Variants in SLC2A13 observed in about 807,000 individuals in gnomAD.
SLC2A13 encodes the protein proton myo-inositol cotransporter.
In SLC2A13, 32 loss-of-function variants were observed where a neutral mutation model predicts 64.4. The ratio of observed to expected loss-of-function variants is 0.50; its 90% confidence interval spans 0.37 to 0.67. SLC2A13 has a LOEUF of 0.67. SLC2A13 is among the 30% of genes least tolerant of loss of function. SLC2A13 has a pLI of 0.00. For synonymous variants in SLC2A13, 338 were observed against 327.1 expected (o/e 1.03, Z -0.36); for missense variants, 743 against 829.2 (o/e 0.90, Z 1.28).
intron 6 of SLC2A13, among the ~76,000 whole-genome samples, chr12:39,838,215 A>G (rs1287658574): frequency 6.6e-6 from 1 of 151,416 alleles, no homozygotes; most frequent in African/African-American, 2.4e-5. Context: ...ATTGGAAATC[A>G]TCATTCTCAG....
At chr12:39,893,134 G>C (rs1944652862) in intron 4 of SLC2A13, among the ~76,000 whole-genome samples, 1 of 152,066 alleles carries the variant, frequency 6.6e-6, no homozygotes, top group Admixed American at 6.6e-5. Flanking sequence ...AACCCAATGA[G>C]AGTTATCAAA....
chr12:39,913,252 C>A (rs1945460247), intron 4 of SLC2A13, among the ~76,000 whole-genome samples: 1 of 151,736 alleles, frequency 6.6e-6, no homozygotes, highest in South Asian at 2.1e-4. Context: ...AACTTTTACA[C>A]ATTGGAAGAA....
intron 3 of SLC2A13, among the ~76,000 whole-genome samples, chr12:40,021,826 G>A (rs1400524104): frequency 6.6e-6 from 1 of 152,142 alleles, no homozygotes; most frequent in Non-Finnish European, 1.5e-5. Context: ...CAATTGCAAC[G>A]AGTATTTGAC....
intron 3 of SLC2A13, among the ~76,000 whole-genome samples, chr12:40,010,673 T>G (rs1199706172): frequency 6.6e-6 from 1 of 152,242 alleles, no homozygotes; most frequent in Non-Finnish European, 1.5e-5. Context: ...TTATTGAATC[T>G]TTCCAAAACA....
chr12:40,084,154 G>GT (rs1381787036), intron 1 of SLC2A13, among the ~76,000 whole-genome samples: 1 of 152,130 alleles, frequency 6.6e-6, no homozygotes, highest in Non-Finnish European at 1.5e-5. Context: ...ATCTGGCAGG[G>GT]TAACTGCAAA....
chr12:39,961,195 A>G (rs1006012496), intron 3 of SLC2A13, among the ~76,000 whole-genome samples: 3 of 151,584 alleles, frequency 2.0e-5, no homozygotes, highest in African/African-American at 7.3e-5. Flanking sequence ...CTCCTGCCTC[A>G]GCCTCCCAAC....
intron 3 of SLC2A13, among the ~76,000 whole-genome samples, chr12:39,973,963 C>A (rs1004933111): frequency 3.9e-5 from 6 of 152,160 alleles, no homozygotes; most frequent in Non-Finnish European, 8.8e-5. Context: ...TCTGTCTGAT[C>A]TTTTCCAGGA....
chr12:40,068,789 C>A (rs1937842697), intron 1 of SLC2A13, among the ~76,000 whole-genome samples: 1 of 151,022 alleles, frequency 6.6e-6, no homozygotes. Context: ...ATAGACACAG[C>A]TGATAAATAT....
intron 4 of SLC2A13, among the ~76,000 whole-genome samples, chr12:39,941,753 CT>C (rs1946031800): frequency 1.3e-5 from 2 of 152,096 alleles, no homozygotes; most frequent in South Asian, 4.1e-4. Flanking sequence ...ATTGCATTTG[CT>C]TTTGTGTTCT....
intron 6 of SLC2A13, among the ~76,000 whole-genome samples, chr12:39,851,328 G>A (rs1233845190): frequency 6.6e-6 from 1 of 152,124 alleles, no homozygotes; most frequent in Admixed American, 6.6e-5. Context: ...GAAGACTAAT[G>A]AGAATGGATT....
chr12:39,901,257 A>T (rs536065866), intron 4 of SLC2A13, among the ~76,000 whole-genome samples: 77 of 152,326 alleles, frequency 5.1e-4, no homozygotes, highest in African/African-American at 1.7e-3. Context: ...AACCTAGGCA[A>T]TACCATTCAG....
At chr12:39,774,460 T>A (rs1940697682) in intron 7 of SLC2A13, among the ~76,000 whole-genome samples, 1 of 152,196 alleles carries the variant, frequency 6.6e-6, no homozygotes, top group Non-Finnish European at 1.5e-5. Context: ...GGTGGCCACA[T>A]AGCATTTAAA....
At chr12:39,973,327 T>C (rs1389925566) in intron 3 of SLC2A13, among the ~76,000 whole-genome samples, 1 of 152,246 alleles carries the variant, frequency 6.6e-6, no homozygotes, top group Non-Finnish European at 1.5e-5. Context: ...CCACTTTCTT[T>C]TGGTTTTACT....
At chr12:39,954,697 T>C (rs1425353377) in intron 3 of SLC2A13, among the ~76,000 whole-genome samples, 1 of 151,936 alleles carries the variant, frequency 6.6e-6, no homozygotes, top group African/African-American at 2.4e-5. Flanking sequence ...AGAACAAAAC[T>C]CAATGAGATA....
chr12:39,920,261 G>A (rs969456708), intron 4 of SLC2A13, among the ~76,000 whole-genome samples: 2 of 152,204 alleles, frequency 1.3e-5, no homozygotes, highest in Non-Finnish European at 2.9e-5. Context: ...ATATATGTGT[G>A]TATGTAATAA....
chr12:39,779,580 CTTT>C (rs891251775), intron 7 of SLC2A13, among the ~76,000 whole-genome samples: 2 of 152,132 alleles, frequency 1.3e-5, no homozygotes. Flanking sequence ...AATTAAAACA[CTTT>C]TTTTGCTTCC....
chr12:40,019,364 T>TGC (rs1947675609), intron 3 of SLC2A13, among the ~76,000 whole-genome samples: 1 of 151,768 alleles, frequency 6.6e-6, no homozygotes, highest in Non-Finnish European at 1.5e-5. Context: ...GCCTAATTTT[T>TGC]TTTTTTTTCC....
At chr12:40,055,958 T>A (rs17458202) in intron 1 of SLC2A13, among the ~76,000 whole-genome samples, 1 of 139,166 alleles carries the variant, frequency 7.2e-6, no homozygotes, top group African/African-American at 2.7e-5. Flanking sequence ...ACAACTAAGG[T>A]ACAACACACT....
intron 3 of SLC2A13, among the ~76,000 whole-genome samples, chr12:40,004,221 G>C (rs1190652310): frequency 6.6e-6 from 1 of 151,806 alleles, no homozygotes; most frequent in Non-Finnish European, 1.5e-5. Context: ...TTTCACTCTT[G>C]TTGCCCAGGC....
Sources: allele counts gnomAD v4.1 joint callset (sites outside exome capture counted in the v4.1 genomes callset), GRCh38; gene constraint gnomAD v4.1.1; transcripts MANE v1.5; gene names NCBI Gene and HGNC (gene_info 2026-07-23, HGNC 2026-07-21).